SLC25A21: variants seen among roughly 807,000 people sequenced by gnomAD.
SLC25A21 encodes the protein mitochondrial 2-oxodicarboxylate carrier.
A neutral mutation model predicts 43.8 loss-of-function variants in SLC25A21; 47 were observed. The observed-to-expected ratio is 1.07, with a 90% CI of 0.85 to 1.37. SLC25A21 has a LOEUF of 1.37. Ranked by LOEUF, SLC25A21 falls within the 40% of genes most tolerant of loss-of-function variation. The probability of loss-of-function intolerance (pLI) is 0.00; values close to 1 mark genes in which losing one functional copy is unlikely to be tolerated. For synonymous variants in SLC25A21, 131 were observed against 121.3 expected, an observed-to-expected ratio of 1.08 and a Z score of -0.52; for missense variants, 352 against 350.2, an observed-to-expected ratio of 1.00 and a Z score of -0.04.
intron 1 of SLC25A21, among the ~76,000 whole-genome samples, chr14:36,936,020 C>T (rs1406459255): frequency 9.5e-6 from 1 of 105,632 alleles, no homozygotes; most frequent in Non-Finnish European, 2.4e-5. Flanking sequence ...AGTTATTCCA[C>T]ATTTCCTTTA....
chr14:37,097,243 G>A (rs1962715925), intron 1 of SLC25A21: 1 of 152,010 alleles, frequency 6.6e-6, no homozygotes, highest in South Asian at 2.1e-4. Context: ...TGAAATTACA[G>A]GTGTGCACCA....
intron 1 of SLC25A21, among the ~76,000 whole-genome samples, chr14:36,880,231 A>C (rs2138565559): frequency 6.6e-6 from 1 of 152,282 alleles, no homozygotes; most frequent in East Asian, 1.9e-4. Context: ...CCATCTTACT[A>C]GTGGAATATG....
At chr14:37,129,519 T>C (rs893473699) in intron 1 of SLC25A21, among the ~76,000 whole-genome samples, 3 of 152,118 alleles carry the variant, frequency 2.0e-5, no homozygotes, top group Non-Finnish European at 2.9e-5. Flanking sequence ...ATACCAACCG[T>C]AATCCTACAC....
At chr14:36,914,323 C>T (rs1205770222) in intron 1 of SLC25A21, among the ~76,000 whole-genome samples, 1 of 152,138 alleles carries the variant, frequency 6.6e-6, no homozygotes, top group Non-Finnish European at 1.5e-5. Flanking sequence ...CAGTACTACC[C>T]AGTGACAGAA....
intron 2 of SLC25A21, among the ~76,000 whole-genome samples, chr14:36,822,829 G>C (rs535544885): frequency 6.6e-6 from 1 of 152,258 alleles, no homozygotes; most frequent in South Asian, 2.1e-4. Flanking sequence ...TTTAAAGACT[G>C]ATATTTTGTG....
intron 1 of SLC25A21, among the ~76,000 whole-genome samples, chr14:36,882,276 GGGA>G (rs1247032936): frequency 1.3e-5 from 2 of 152,156 alleles, no homozygotes; most frequent in African/African-American, 4.8e-5. Context: ...CCAGCTACTT[GGGA>G]GGCTGAGGCA....
At chr14:37,044,977 T>G (rs147786574) in intron 1 of SLC25A21, among the ~76,000 whole-genome samples, 2 of 152,340 alleles carry the variant, frequency 1.3e-5, no homozygotes, top group African/African-American at 4.8e-5. Flanking sequence ...TCAATATACA[T>G]ATAAATGTAA....
chr14:36,844,122 T>C (rs1594634846), intron 2 of SLC25A21, among the ~76,000 whole-genome samples: 1 of 152,238 alleles, frequency 6.6e-6, no homozygotes, highest in Non-Finnish European at 1.5e-5. Flanking sequence ...GGTGGGCATA[T>C]AGGCAGACTT....
chr14:37,041,139 T>C (rs915047326), intron 1 of SLC25A21, among the ~76,000 whole-genome samples: 1 of 152,138 alleles, frequency 6.6e-6, no homozygotes, highest in Non-Finnish European at 1.5e-5. Context: ...GGGAAAAAGA[T>C]AGCTCATATA....
chr14:36,755,690 C>A (rs894320586), intron 3 of SLC25A21, among the ~76,000 whole-genome samples: 1 of 152,120 alleles, frequency 6.6e-6, no homozygotes, highest in African/African-American at 2.4e-5. Context: ...AATATATGAA[C>A]ACATAGATCG....
intron 2 of SLC25A21, among the ~76,000 whole-genome samples, chr14:36,864,806 T>C (rs139574932): frequency 0.015 from 2,269 of 152,292 alleles, 35 homozygotes; most frequent in Middle Eastern, 0.048. Context: ...TGAATTTCTA[T>C]CCATGGTGAG....
intron 1 of SLC25A21, among the ~76,000 whole-genome samples, chr14:37,163,018 A>C (rs1963972862): frequency 1.3e-5 from 2 of 152,140 alleles, no homozygotes; most frequent in Admixed American, 6.6e-5. Context: ...GGAAATCATC[A>C]TTCTCAGTAA....
At chr14:37,080,174 T>C (rs1962358728) in intron 1 of SLC25A21, among the ~76,000 whole-genome samples, 1 of 152,204 alleles carries the variant, frequency 6.6e-6, no homozygotes, top group African/African-American at 2.4e-5. Flanking sequence ...GATATCTTTC[T>C]TTACTCTAAG....
intron 1 of SLC25A21, among the ~76,000 whole-genome samples, chr14:37,164,415 G>A (rs1012591130): frequency 6.6e-6 from 1 of 151,956 alleles, no homozygotes; most frequent in African/African-American, 2.4e-5. Context: ...TGTCATAAAG[G>A]CTCACCTGTT....
At chr14:36,694,112 T>C (rs1882912819) in intron 7 of SLC25A21, among the ~76,000 whole-genome samples, 2 of 151,830 alleles carry the variant, frequency 1.3e-5, no homozygotes, top group Admixed American at 6.6e-5. Context: ...CCGCCCTGTG[T>C]CCAAGTGATC....
chr14:36,680,533 G>T lies in SLC25A21; in HGVS notation c.*125C>A. 2.9e-6 allele frequency: 4 copies of T among 1,366,956 alleles called. No individual in the cohort carries two copies. The highest frequency in any genetic ancestry group is 3.8e-6 in the Non-Finnish European group (4 of 1,056,800). The allele number at this position is 1,366,956 out of a possible 1,614,324, so 84.7% of individuals were successfully genotyped here. A position where few individuals can be genotyped will look rare whatever the true frequency, so the allele number is the denominator to read the frequency against. Reference sequence around the variant, plus strand: ...AGACATTTTTTAAAGTATTAAAATAGATTTTGTTCTTGAACAGTTTTCTCC... The same window carrying T: ...AGACATTTTTTAAAGTATTAAAATATATTTTGTTCTTGAACAGTTTTCTCC... On this transcript the variant is annotated 3_prime_UTR_variant, in exon 10 of 10. Coordinates refer to ENST00000331299, the MANE Select transcript of SLC25A21 (RefSeq NM_030631.4).
intron 1 of SLC25A21, among the ~76,000 whole-genome samples, chr14:36,932,144 C>T (rs946428511): frequency 6.6e-6 from 1 of 152,048 alleles, no homozygotes; most frequent in Admixed American, 6.6e-5. Flanking sequence ...AATAAAGCAA[C>T]TCAAAAGTAA....
rs181787116 is a variant in SLC25A21, at chr14:37,048,965, G to A, written c.70+123316C>T. ...TTATACTCAACTCTGACTCACCTGT[G>A]GGGGGTTTGCTTTTGTTTCTGTTTC... is the stretch of plus-strand genomic sequence containing the variant. On this transcript the variant is annotated intron_variant, in intron 1 of 9. Coordinates refer to ENST00000331299, the MANE Select transcript of SLC25A21 (RefSeq NM_030631.4). Among the ~76,000 whole-genome samples the A allele has an allele frequency of 1.1e-4, 16 of 152,264 alleles. No individual in the cohort carries two copies. In the Middle Eastern group the frequency reaches 0.01, roughly 97 times the overall value.
chr14:37,135,076 C>T (rs541562995), intron 1 of SLC25A21, among the ~76,000 whole-genome samples: 9 of 152,134 alleles, frequency 5.9e-5, no homozygotes, highest in Middle Eastern at 3.4e-3. Context: ...TACAGGCACA[C>T]GCCACCATGC....
Sources: gnomAD v4.1 joint callset for allele counts (sites outside exome capture counted in the v4.1 genomes callset) on GRCh38, gnomAD v4.1.1 for gene constraint, MANE v1.5 for transcripts, NCBI Gene and HGNC (gene_info 2026-07-23, HGNC 2026-07-21) for gene names.